AGPAT3: variants seen among roughly 807,000 people sequenced by gnomAD.
AGPAT3 encodes the protein 1-acyl-sn-glycerol-3-phosphate acyltransferase gamma.
AGPAT3 carries 5 observed loss-of-function variants against 47.3 expected under a neutral mutation model. The observed-to-expected ratio is 0.11, with a 90% CI of 0.06 to 0.22. AGPAT3 has a LOEUF of 0.22. Among genes scored for constraint, AGPAT3 ranks in the 10% least tolerant of loss-of-function variants. The pLI, the probability that AGPAT3 is intolerant of heterozygous loss-of-function variation, is 1.00. For synonymous variants in AGPAT3, 212 were observed against 208.3 expected (o/e 1.02, Z -0.15); for missense variants, 315 against 493.0 (o/e 0.64, Z 3.42).
chr21:43,868,625 C>A (rs184140185), intron 1 of AGPAT3, among the ~76,000 whole-genome samples: 1 of 152,180 alleles, frequency 6.6e-6, no homozygotes. Context: ...GTCCTGAGAT[C>A]GATTACTCAC....
At position 43,932,147 on chromosome 21, in the gene AGPAT3, T is replaced by G. The variant is rs1285051261; in HGVS notation, c.-48-27487T>G. Among the ~76,000 whole-genome samples the G allele has an allele frequency of 2.6e-5, 4 of 152,208 alleles. No individual in the cohort carries two copies. The highest frequency in any genetic ancestry group is 9.7e-5 in the African/African-American group (4 of 41,450). On this transcript the variant is annotated intron_variant, in intron 2 of 9. Transcript: ENST00000291572. This position sits in a 1 kb window ranked among gnomAD's most constrained non-coding sequence, Gnocchi z 5.2. Reference sequence around the variant, plus strand: ...TGTTAAAAATCTATTCTTTCCCTGATTTTGAAACATGATACGTTATTGTTA... The same window carrying G: ...TGTTAAAAATCTATTCTTTCCCTGAGTTTGAAACATGATACGTTATTGTTA...
At chr21:43,893,653 C>T (rs2086149430) in intron 1 of AGPAT3, among the ~76,000 whole-genome samples, 2 of 152,170 alleles carry the variant, frequency 1.3e-5, no homozygotes, top group African/African-American at 4.8e-5. Flanking sequence ...TGAACACTTA[C>T]AGGCCATCAG....
rs183476671 is a variant in AGPAT3, at chr21:43,958,487, G to T, written c.-48-1147G>T. On this transcript the variant is annotated intron_variant, in intron 2 of 9. Coordinates refer to ENST00000291572, the MANE Select transcript of AGPAT3 (RefSeq NM_020132.5). ...GTTTGTGGTATGGTGCTTGCAGTGTGGTATGCACCATATGTGTGAGCGTGT... is the reference window on the plus strand; with the variant it reads ...GTTTGTGGTATGGTGCTTGCAGTGTTGTATGCACCATATGTGTGAGCGTGT... 2.0e-5 allele frequency among the ~76,000 whole-genome samples: 3 copies of T among 151,530 alleles called. No individual in the cohort carries two copies. In the East Asian group the frequency reaches 5.8e-4, roughly 29 times the overall value.
chr21:43,874,194 T>G (rs1601189189), intron 1 of AGPAT3, among the ~76,000 whole-genome samples: 1 of 152,168 alleles, frequency 6.6e-6, no homozygotes, highest in Non-Finnish European at 1.5e-5. Flanking sequence ...CCTGGCTAAC[T>G]ATTGTATTTT....
chr21:43,907,542 C>T (rs1030966549), intron 2 of AGPAT3, among the ~76,000 whole-genome samples: 2 of 152,030 alleles, frequency 1.3e-5, no homozygotes, highest in African/African-American at 4.8e-5. Flanking sequence ...ACGGTGAAAC[C>T]CCATCTCTAC....
chr21:43,894,284 T>C (rs925333725), intron 1 of AGPAT3, among the ~76,000 whole-genome samples: 2 of 151,630 alleles, frequency 1.3e-5, no homozygotes, highest in African/African-American at 4.8e-5. Flanking sequence ...ACCAAGAGTG[T>C]AGGATATCAC....
chr21:43,909,444 T>C (rs1317405737), intron 2 of AGPAT3, among the ~76,000 whole-genome samples: 6 of 152,130 alleles, frequency 3.9e-5, no homozygotes, highest in South Asian at 2.1e-4. Context: ...TACAGGCGCC[T>C]GCCACCATGC....
In AGPAT3 at chr21:43,954,558, G is replaced by A. The variant is rs1355918196; in HGVS notation, c.-48-5076G>A. 1 of 152,316 alleles carries A rather than the reference G, an allele frequency of 6.6e-6. No individual in the cohort carries two copies. The highest frequency in any genetic ancestry group is 1.5e-5 in the Non-Finnish European group (1 of 68,076). 9.4% of individuals were successfully genotyped at this position (152,316 alleles called of 1,614,324 possible). ...TTTGACTCCGTATCTAGGACCTCCAGGACGTAGAGGTTGATGATCCGGGCA... is the reference window on the plus strand; with the variant it reads ...TTTGACTCCGTATCTAGGACCTCCAAGACGTAGAGGTTGATGATCCGGGCA... On this transcript the variant is annotated intron_variant, in intron 2 of 9. Coordinates refer to ENST00000291572, the MANE Select transcript of AGPAT3 (RefSeq NM_020132.5). This position sits in a 1 kb window ranked among gnomAD's most constrained non-coding sequence, Gnocchi z 4.0.
At chr21:43,865,860 C>T (rs887701384) in intron 1 of AGPAT3, among the ~76,000 whole-genome samples, 59 of 152,056 alleles carry the variant, frequency 3.9e-4, no homozygotes, top group Middle Eastern at 3.2e-3. Flanking sequence ...CTCCTCCTCG[C>T]GCGCCCAGGC....
intron 4 of AGPAT3, 131 bp from the exon 5 acceptor site, chr21:43,968,987 C>A: frequency 1.1e-6 from 1 of 921,384 alleles, no homozygotes; most frequent in Non-Finnish European, 1.6e-6. Context: ...TCACAGCAGA[C>A]CCCCTGAGCC....
At position 43,969,031 on chromosome 21, in the gene AGPAT3, G is replaced by A. The variant is rs930808283; in HGVS notation, c.349-87G>A. 1.5e-5 allele frequency: 21 copies of A among 1,427,494 alleles called. No homozygotes were observed. In the Admixed American group the frequency reaches 3.8e-4, roughly 26 times the overall value. The allele number at this position is 1,427,494 out of a possible 1,614,324, so 88.4% of individuals were successfully genotyped here. A position where few individuals can be genotyped will look rare whatever the true frequency, so the allele number is the denominator to read the frequency against. Reference sequence around the variant, plus strand: ...GTGACTCCTAGAGCGACACCACACAGGAGCTGGGTGCAGCGGGAGCCTGGC... The same window carrying A: ...GTGACTCCTAGAGCGACACCACACAAGAGCTGGGTGCAGCGGGAGCCTGGC... On this transcript the variant is annotated intron_variant, in intron 4 of 9. Coordinates refer to ENST00000291572, the MANE Select transcript of AGPAT3 (RefSeq NM_020132.5).
chr21:43,972,903 G>A (rs533120224), intron 7 of AGPAT3, among the ~76,000 whole-genome samples: 3 of 152,236 alleles, frequency 2.0e-5, no homozygotes, highest in African/African-American at 7.2e-5. Flanking sequence ...GCTGCACAGA[G>A]CGGTCACTAT....
At chr21:43,907,420 C>G (rs1397272681) in intron 2 of AGPAT3, among the ~76,000 whole-genome samples, 1 of 152,112 alleles carries the variant, frequency 6.6e-6, no homozygotes, top group East Asian at 1.9e-4. Context: ...AAAAAGTTTC[C>G]CATAAAACTG....
rs2030111456 is a variant in AGPAT3 at position 43,984,978 on chromosome 21, G to C, written c.*2586G>C. On this transcript the variant is annotated 3_prime_UTR_variant, in exon 10 of 10. Transcript: ENST00000291572. ...CCCTCTGCACCCAGTCCTTGAGCCA[G>C]GCCGAGGACAGGAAGGGCATTGCTG... 5.2e-6 allele frequency: 2 copies of C among 387,864 alleles called. No individual in the cohort carries two copies. The highest frequency in any genetic ancestry group is 7.2e-5 in the East Asian group (1 of 13,844). 24.0% of individuals were successfully genotyped at this position (387,864 alleles called of 1,614,324 possible). A position where few individuals can be genotyped will look rare whatever the true frequency, so the allele number is the denominator to read the frequency against.
Position 43,982,113 on chromosome 21 carries a change from G to C in AGPAT3, c.1043-191G>C, listed in dbSNP as rs568769062. ...GTCAGAAGACGTGCCCCTCACCCCT[G>C]CCTGAGCAGACCACGGTCTGAGAGG... is the stretch of plus-strand genomic sequence containing the variant. On this transcript the variant is annotated intron_variant, in intron 9 of 9. Coordinates refer to ENST00000291572, the MANE Select transcript of AGPAT3 (RefSeq NM_020132.5). The surrounding 1 kb of genome is among the most constrained non-coding windows in gnomAD (Gnocchi z 6.2). Among the ~76,000 whole-genome samples, 1 of 152,308 alleles carries C rather than the reference G, an allele frequency of 6.6e-6. No homozygotes were observed. The highest frequency in any genetic ancestry group is 2.4e-5 in the African/African-American group (1 of 41,566).
rs2087338530 is a variant in AGPAT3 at position 43,933,764 on chromosome 21, C to G, written c.-48-25870C>G. ...GCCGCATACCAGATGCCCAGAGGCC[C>G]CGGCGGCCTCCATCCAAGCACAGGC... On this transcript the variant is annotated intron_variant, in intron 2 of 9. Transcript: ENST00000291572. The surrounding 1 kb of genome is among the most constrained non-coding windows in gnomAD (Gnocchi z 6.0). Among the ~76,000 whole-genome samples, 1 of 151,900 alleles carries G rather than the reference C, an allele frequency of 6.6e-6. No homozygotes were observed. Among genetic ancestry groups the G allele is most frequent in the Non-Finnish European group, 1.5e-5 (1 of 67,966 alleles).
Position 43,932,266 on chromosome 21 carries a change from GC to G in AGPAT3, c.-48-27365del, listed in dbSNP as rs2087275690. 6.6e-6 allele frequency among the ~76,000 whole-genome samples: 1 copy of G among 152,084 alleles called. No homozygotes were observed. Among genetic ancestry groups the G allele is most frequent in the South Asian group, 2.1e-4 (1 of 4,822 alleles). ...ATCAGCACCTCCCCTGCCCGTCCTT[GC>G]CCAAGCCCCCAGCCCCTGGTAACCA... On this transcript the variant is annotated intron_variant, in intron 2 of 9. Coordinates refer to ENST00000291572, the MANE Select transcript of AGPAT3 (RefSeq NM_020132.5). The surrounding 1 kb of genome is among the most constrained non-coding windows in gnomAD (Gnocchi z 5.2).
intron 2 of AGPAT3, among the ~76,000 whole-genome samples, chr21:43,904,959 A>G (rs1415144420): frequency 6.6e-6 from 1 of 152,028 alleles, no homozygotes; most frequent in Non-Finnish European, 1.5e-5. Flanking sequence ...GTCACAACCC[A>G]GGGTGTGTTG....
chr21:43,891,545 A>G (rs2086102640), intron 1 of AGPAT3, among the ~76,000 whole-genome samples: 1 of 151,996 alleles, frequency 6.6e-6, no homozygotes, highest in Admixed American at 6.6e-5. Context: ...AGGAAGGAGA[A>G]TGGCGTGAAC....
Sources: gnomAD v4.1 joint callset for allele counts (sites outside exome capture counted in the v4.1 genomes callset) on GRCh38, gnomAD v4.1.1 for gene constraint, Gnocchi (gnomAD v3.1) non-coding constraint, MANE v1.5 for transcripts, NCBI Gene and HGNC (gene_info 2026-07-23, HGNC 2026-07-21) for gene names.